The following GRM7 variants were observed in gnomAD, a reference collection of about 807,000 sequenced individuals.
GRM7 encodes the protein metabotropic glutamate receptor 7.
A neutral mutation model predicts 84.5 loss-of-function variants in GRM7; 35 were observed. The observed-to-expected ratio is 0.41, with a 90% CI of 0.32 to 0.55. The LOEUF (loss-of-function observed/expected upper bound fraction) is 0.55. Among genes scored for constraint, GRM7 ranks in the 20% least tolerant of loss-of-function variants. GRM7 has a pLI of 0.19. For synonymous variants in GRM7, 487 were observed against 455.1 expected, an observed-to-expected ratio of 1.07 and a Z score of -0.89; for missense variants, 1,003 against 1,194.6, an observed-to-expected ratio of 0.84 and a Z score of 2.36.
chr3:7,307,332 T>C (rs1700228417), intron 4 of GRM7, among the ~76,000 whole-genome samples: 1 of 146,984 alleles, frequency 6.8e-6, no homozygotes, highest in African/African-American at 2.5e-5. Context: ...GAAAGAAAAG[T>C]TGTTTCTAAA....
At chr3:7,141,068 T>G (rs1170996289) in intron 1 of GRM7, among the ~76,000 whole-genome samples, 1 of 152,118 alleles carries the variant, frequency 6.6e-6, no homozygotes, top group Non-Finnish European at 1.5e-5. Context: ...TAGTTGGTTT[T>G]TAATTGCTCA....
intron 1 of GRM7, among the ~76,000 whole-genome samples, chr3:7,121,683 C>G (rs74505101): frequency 0.038 from 5,712 of 152,216 alleles, 152 homozygotes; most frequent in Non-Finnish European, 0.056. Context: ...AGATGTAAAG[C>G]CACTGGGGGT....
chr3:7,677,274 A>AAAC (rs1700168807), intron 8 of GRM7, among the ~76,000 whole-genome samples: 1 of 127,416 alleles, frequency 7.8e-6, no homozygotes, highest in African/African-American at 2.9e-5. Flanking sequence ...AAAAAAAAAA[A>AAAC]AAAAAAAAAA....
intron 5 of GRM7, among the ~76,000 whole-genome samples, chr3:7,441,604 A>G (rs1353861779): frequency 6.6e-6 from 1 of 152,114 alleles, no homozygotes; most frequent in Non-Finnish European, 1.5e-5. Flanking sequence ...AAGAGTTTGT[A>G]TAGTTTTAAG....
intron 1 of GRM7, among the ~76,000 whole-genome samples, chr3:7,035,662 A>G (rs1402012717): frequency 1.3e-5 from 2 of 152,234 alleles, no homozygotes; most frequent in African/African-American, 4.8e-5. Context: ...AACATTTCAG[A>G]GACAAGTCCC....
chr3:7,636,495 A>G (rs1698100089), intron 8 of GRM7: 1 of 306,516 alleles, frequency 3.3e-6, no homozygotes, highest in Non-Finnish European at 6.6e-6. Context: ...TCCAAGGGTC[A>G]GGTAATAAGG....
chr3:7,656,611 C>A (rs9861722), intron 8 of GRM7, among the ~76,000 whole-genome samples: 44 of 150,392 alleles, frequency 2.9e-4, no homozygotes, highest in Admixed American at 2.6e-3. Context: ...AAAAGCAGGT[C>A]GTGTTTTATG....
chr3:6,952,823 G>C (rs769232705), intron 1 of GRM7, among the ~76,000 whole-genome samples: 1 of 152,158 alleles, frequency 6.6e-6, no homozygotes, highest in Non-Finnish European at 1.5e-5. Flanking sequence ...TGAATTAATA[G>C]TACCATATGA....
chr3:7,015,256 T>C (rs1695522678), intron 1 of GRM7, among the ~76,000 whole-genome samples: 8 of 152,042 alleles, frequency 5.3e-5, no homozygotes, highest in Non-Finnish European at 1.0e-4. Flanking sequence ...CTTTAAGAGC[T>C]GTAACACTCA....
intron 1 of GRM7, among the ~76,000 whole-genome samples, chr3:6,925,923 G>A (rs1401745611): frequency 6.6e-6 from 1 of 152,118 alleles, no homozygotes; most frequent in African/African-American, 2.4e-5. Flanking sequence ...AATCATGTGA[G>A]AGTATGTCTA....
At chr3:7,231,933 C>A (rs1184907408) in intron 2 of GRM7, among the ~76,000 whole-genome samples, 1 of 152,120 alleles carries the variant, frequency 6.6e-6, no homozygotes, top group Non-Finnish European at 1.5e-5. Context: ...CCCATTTCAG[C>A]CCATGGGAAG....
intron 7 of GRM7, among the ~76,000 whole-genome samples, chr3:7,573,927 G>A (rs751712783): frequency 1.3e-5 from 2 of 152,148 alleles, no homozygotes; most frequent in Non-Finnish European, 1.5e-5. Flanking sequence ...GATAGAATGC[G>A]TGACTGCAAT....
chr3:7,093,906 G>A (rs923081981), intron 1 of GRM7, among the ~76,000 whole-genome samples: 1 of 152,018 alleles, frequency 6.6e-6, no homozygotes, highest in African/African-American at 2.4e-5. Flanking sequence ...GAGAACAAAT[G>A]CAGGAGTTAG....
intron 2 of GRM7, among the ~76,000 whole-genome samples, chr3:7,219,719 A>T (rs549576741): frequency 6.6e-6 from 1 of 152,194 alleles, no homozygotes; most frequent in African/African-American, 2.4e-5. Flanking sequence ...AGCAGGCCTA[A>T]AGCAGGTATA....
chr3:7,135,630 A>G (rs956063179), intron 1 of GRM7, among the ~76,000 whole-genome samples: 3 of 152,134 alleles, frequency 2.0e-5, no homozygotes, highest in Admixed American at 6.6e-5. Flanking sequence ...TGTCCTTGCT[A>G]CAGGCAATGT....
At chr3:7,407,471 A>G (rs1001813452) in intron 4 of GRM7, among the ~76,000 whole-genome samples, 9 of 152,208 alleles carry the variant, frequency 5.9e-5, no homozygotes, top group Non-Finnish European at 1.0e-4. Context: ...CAGTGCCTCG[A>G]ACTGATATTA....
At chr3:7,536,344 T>C (rs2125010796) in intron 7 of GRM7, among the ~76,000 whole-genome samples, 1 of 152,246 alleles carries the variant, frequency 6.6e-6, no homozygotes, top group African/African-American at 2.4e-5. Context: ...AAGGGCTTTG[T>C]AGGAAGCAAC....
chr3:6,957,696 C>T (rs1227933376), intron 1 of GRM7, among the ~76,000 whole-genome samples: 1 of 152,154 alleles, frequency 6.6e-6, no homozygotes, highest in Non-Finnish European at 1.5e-5. Context: ...ATCAGCCCAT[C>T]CCCTACTGCT....
intron 8 of GRM7, among the ~76,000 whole-genome samples, chr3:7,676,380 T>A (rs1231408573): frequency 6.6e-6 from 1 of 152,174 alleles, no homozygotes; most frequent in Non-Finnish European, 1.5e-5. Flanking sequence ...CATACCTACA[T>A]ATAGTCATGT....
Sources: gnomAD v4.1 joint callset for allele counts (sites outside exome capture counted in the v4.1 genomes callset) on GRCh38, gnomAD v4.1.1 for gene constraint, MANE v1.5 for transcripts, NCBI Gene and HGNC (gene_info 2026-07-23, HGNC 2026-07-21) for gene names.